The following RGL1 variants were observed in gnomAD, a reference collection of about 807,000 sequenced individuals.
The protein encoded by RGL1 is ral guanine nucleotide dissociation stimulator like 1.
In RGL1, 24 loss-of-function variants were observed where a neutral mutation model predicts 95.2. The ratio of observed to expected loss-of-function variants is 0.25; its 90% CI spans 0.18 to 0.35. The LOEUF (loss-of-function observed/expected upper bound fraction) is 0.35. Ranked by LOEUF, RGL1 falls within the 10% of genes least tolerant of loss-of-function variation. The probability of loss-of-function intolerance (pLI) is 1.00; values close to 1 mark genes in which losing one functional copy is unlikely to be tolerated. For synonymous variants in RGL1, 329 were observed against 344.9 expected, an observed-to-expected ratio of 0.95 and a Z score of 0.51; for missense variants, 715 against 936.3, an observed-to-expected ratio of 0.76 and a Z score of 3.08.
At chr1:183,902,470 A>G (rs1668084336) in intron 11 of RGL1, 98 bp from the exon 12 acceptor site, 1 of 893,982 alleles carries the variant, frequency 1.1e-6, no homozygotes, top group East Asian at 2.6e-5. Flanking sequence ...TTGTGACTTT[A>G]TCACCCCTTT....
At chr1:183,903,460 A>G (rs1044522245) in intron 12 of RGL1, among the ~76,000 whole-genome samples, 10 of 152,214 alleles carry the variant, frequency 6.6e-5, no homozygotes, top group African/African-American at 2.4e-4. Flanking sequence ...TAAAAGACTC[A>G]AAGGAAAATG....
At position 183,870,282 on chromosome 1, in the gene RGL1, T is replaced by G. The variant is rs529316415; in HGVS notation, c.425+4209T>G. Reference sequence around the variant, plus strand: ...CTCTTTCTCGGTCTTCAGGGGTATGTGTCTTCCGGCCAGGGTAGGTGTCTT... The same window carrying G: ...CTCTTTCTCGGTCTTCAGGGGTATGGGTCTTCCGGCCAGGGTAGGTGTCTT... On this transcript the variant is annotated intron_variant, in intron 4 of 17. Transcript: ENST00000360851. Among the ~76,000 whole-genome samples the G allele has an allele frequency of 3.3e-5, 4 of 122,660 alleles. No individual in the cohort carries two copies. The East Asian group carries it at 6.1e-4, about 19-fold the overall frequency. 80.5% of individuals were successfully genotyped at this position (122,660 alleles called of 152,430 possible).
intron 15 of RGL1, among the ~76,000 whole-genome samples, chr1:183,916,246 C>T (rs980655582): frequency 1.3e-5 from 2 of 152,176 alleles, no homozygotes; most frequent in African/African-American, 4.8e-5. Context: ...GATTAGGTCA[C>T]ACTGAGTCAC....
At chr1:183,916,272 A>G (rs10911467) in intron 15 of RGL1, among the ~76,000 whole-genome samples, 175 bp from the exon 16 acceptor site, 39,479 of 152,036 alleles carry the variant, frequency 0.26, 5,494 homozygotes, top group Non-Finnish European at 0.3. Context: ...GGCATCTACC[A>G]CTGATGGGGA....
At chr1:183,734,416 A>G (rs984048095) in intron 1 of RGL1, among the ~76,000 whole-genome samples, 5 of 152,188 alleles carry the variant, frequency 3.3e-5, no homozygotes, top group Non-Finnish European at 1.5e-5. Context: ...TGAGCTTCTG[A>G]GGATAAACTG....
chr1:183,731,479 G>C (rs990907717), intron 1 of RGL1, among the ~76,000 whole-genome samples: 2 of 152,146 alleles, frequency 1.3e-5, no homozygotes, highest in African/African-American at 2.4e-5. Context: ...TGGTAGAAAA[G>C]GTAGCACAGA....
chr1:183,865,001 A>C (rs1001256469), intron 3 of RGL1, among the ~76,000 whole-genome samples: 1 of 152,232 alleles, frequency 6.6e-6, no homozygotes, highest in African/African-American at 2.4e-5. Flanking sequence ...CAATTATAGA[A>C]TTTATCAAAA....
intron 15 of RGL1, among the ~76,000 whole-genome samples, chr1:183,915,431 G>C (rs1404123818): frequency 6.6e-6 from 1 of 152,124 alleles, no homozygotes; most frequent in East Asian, 1.9e-4. Flanking sequence ...TTTGGTTATT[G>C]GTATTGCATG....
At chr1:183,666,005 CTTTTTTTT>C (rs746295660) in intron 1 of RGL1, among the ~76,000 whole-genome samples, 7 of 130,716 alleles carry the variant, frequency 5.4e-5, no homozygotes, top group Non-Finnish European at 1.2e-4. Flanking sequence ...TTCTTTTTTT[CTTTTTTTT>C]TTTTTTTTTG....
chr1:183,713,734 C>A (rs1013165741), intron 1 of RGL1, among the ~76,000 whole-genome samples: 4 of 152,146 alleles, frequency 2.6e-5, no homozygotes, highest in African/African-American at 9.7e-5. Context: ...ACTTTCCAGC[C>A]TCTAGAACTG....
intron 3 of RGL1, among the ~76,000 whole-genome samples, chr1:183,864,872 G>A (rs543970204): frequency 3.9e-5 from 6 of 152,198 alleles, no homozygotes; most frequent in Non-Finnish European, 8.8e-5. Context: ...CAAACCAGAT[G>A]GTGGGCTTTT....
chr1:183,859,538 C>A (rs987905223), intron 3 of RGL1, among the ~76,000 whole-genome samples: 1 of 152,132 alleles, frequency 6.6e-6, no homozygotes, highest in Non-Finnish European at 1.5e-5. Flanking sequence ...TTAATGTTGC[C>A]TTAAGTGTCA....
Position 183,649,499 on chromosome 1 carries a change from T to G in RGL1, c.-33+12998T>G, listed in dbSNP as rs543497231. 7.2e-5 allele frequency among the ~76,000 whole-genome samples: 11 copies of G among 152,046 alleles called. No homozygotes were observed. In the East Asian group the frequency reaches 9.7e-4, roughly 13 times the overall value. ...TGGAAATAATTTGGAGGTTTTTGGG[T>G]TTTTTTTGAGACTAGGATCATGGGA... is the stretch of plus-strand genomic sequence containing the variant. On this transcript the variant is annotated intron_variant, in intron 1 of 18. Transcript: ENST00000304685.
At chr1:183,712,605 T>C (rs1482569462) in intron 1 of RGL1, among the ~76,000 whole-genome samples, 2 of 152,212 alleles carry the variant, frequency 1.3e-5, no homozygotes, top group Non-Finnish European at 2.9e-5. Context: ...TTTTGGAGGC[T>C]TGGCATGAAG....
In RGL1 at chr1:183,829,035, A is replaced by G. The variant is rs17502393; in HGVS notation, c.139-18531A>G. 6.0e-3 allele frequency among the ~76,000 whole-genome samples: 907 copies of G among 152,270 alleles called. 4 individuals are homozygous for G. The highest frequency in any genetic ancestry group is 0.014 in the Middle Eastern group (4 of 294). ...TTGTTACCATGGTTCTTAATCATCA[A>G]TGCTTGTTATAATAACCGGGATTGA... is the stretch of plus-strand genomic sequence containing the variant. On this transcript the variant is annotated intron_variant, in intron 2 of 17. Transcript: ENST00000360851.
Position 183,647,836 on chromosome 1 carries a change from T to G in RGL1, c.-33+11335T>G, listed in dbSNP as rs542021279. Reference sequence around the variant, plus strand: ...TGAGGCATATTTAAGTGCCTTACGATATTCCTGGGTTTATTTGGGTTTTGG... The same window carrying G: ...TGAGGCATATTTAAGTGCCTTACGAGATTCCTGGGTTTATTTGGGTTTTGG... On this transcript the variant is annotated intron_variant, in intron 1 of 18. Coordinates refer to the RGL1 transcript ENST00000304685. 5.0e-5 allele frequency: 81 copies of G among 1,614,222 alleles called. 3 individuals carry two copies. The South Asian group carries it at 7.9e-4, about 16-fold the overall frequency.
At chr1:183,833,074 T>G (rs1663372753) in intron 2 of RGL1, among the ~76,000 whole-genome samples, 3 of 152,158 alleles carry the variant, frequency 2.0e-5, no homozygotes, top group Non-Finnish European at 1.5e-5. Flanking sequence ...CAAGATCACA[T>G]GGTTTGCTTG....
chr1:183,663,335 G>A (rs1172279238), intron 1 of RGL1, among the ~76,000 whole-genome samples: 1,951 of 151,410 alleles, frequency 0.013, 52 homozygotes, highest in African/African-American at 0.046. Context: ...CTAATATCCA[G>A]AATCTACAAT....
chr1:183,784,609 G>A lies in RGL1; in HGVS notation c.133-21766G>A, dbSNP rs143897149. On this transcript the variant is annotated intron_variant, in intron 2 of 18. Transcript: ENST00000304685. ...CTGCTTAAGGTTATGACTGACCTTC[G>A]ACGCTGGGTTTACAGGTGGGAGCAG... Among the ~76,000 whole-genome samples the A allele has an allele frequency of 4.2e-3, 638 of 152,282 alleles. 4 individuals carry two copies. The highest frequency in any genetic ancestry group is 0.014 in the African/African-American group (602 of 41,552).
Sources: gnomAD v4.1 joint callset for allele counts (sites outside exome capture counted in the v4.1 genomes callset) on GRCh38, gnomAD v4.1.1 for gene constraint, MANE v1.5 for transcripts, NCBI Gene and HGNC (gene_info 2026-07-23, HGNC 2026-07-21) for gene names.